The following PCDH15 variants were observed in gnomAD, a reference collection of about 807,000 sequenced individuals.
The protein encoded by PCDH15 is protocadherin related 15.
PCDH15 carries 129 observed loss-of-function variants against 178.5 expected under a neutral mutation model. The observed-to-expected ratio is 0.72, with a 90% CI of 0.63 to 0.84. PCDH15 has a LOEUF of 0.84. Among genes scored for constraint, PCDH15 ranks in the 40% least tolerant of loss-of-function variants. The pLI is 0.00. For missense variants in PCDH15, 2,230 were observed against 2,099.9 expected, an observed-to-expected ratio of 1.06 and a Z score of -1.21; for synonymous variants, 800 against 732.0, an observed-to-expected ratio of 1.09 and a Z score of -1.50.
intron 26 of PCDH15, among the ~76,000 whole-genome samples, chr10:53,894,486 G>T (rs2081813426): frequency 6.6e-6 from 1 of 152,158 alleles, no homozygotes; most frequent in Admixed American, 6.5e-5. Flanking sequence ...ACTTGGCAAT[G>T]GGGAACCAAA....
intron 2 of PCDH15, among the ~76,000 whole-genome samples, chr10:54,973,856 A>G (rs1358187615): frequency 6.6e-6 from 1 of 152,136 alleles, no homozygotes; most frequent in Non-Finnish European, 1.5e-5. Context: ...TATTTGTAAG[A>G]GCAAAAGAAT....
chr10:54,997,678 ATTTAAC>A (rs777072832), intron 2 of PCDH15, among the ~76,000 whole-genome samples: 6 of 152,204 alleles, frequency 3.9e-5, no homozygotes, highest in South Asian at 2.1e-4. Context: ...TAATCCATGT[ATTTAAC>A]TTTAAGTTTG....
intron 6 of PCDH15, among the ~76,000 whole-genome samples, chr10:54,332,767 T>G (rs948566647): frequency 2.0e-5 from 3 of 152,106 alleles, no homozygotes; most frequent in Non-Finnish European, 4.4e-5. Flanking sequence ...ATACTTTTTT[T>G]GTTGTTGACA....
At chr10:55,233,124 TA>T (rs1343284131) in intron 1 of PCDH15, among the ~76,000 whole-genome samples, 1 of 152,138 alleles carries the variant, frequency 6.6e-6, no homozygotes, top group Admixed American at 6.5e-5. Flanking sequence ...TTTATAGAGA[TA>T]AAAATATGGT....
intron 8 of PCDH15, among the ~76,000 whole-genome samples, chr10:54,254,989 T>A (rs2056786814): frequency 6.6e-6 from 1 of 152,192 alleles, no homozygotes; most frequent in South Asian, 2.1e-4. Context: ...TCACACTATG[T>A]GGATATTTTT....
At chr10:55,198,460 A>G (rs538743408) in intron 1 of PCDH15, among the ~76,000 whole-genome samples, 2 of 152,202 alleles carry the variant, frequency 1.3e-5, no homozygotes, top group African/African-American at 2.4e-5. Flanking sequence ...GGTGTTTAAA[A>G]GCTGCTTTTA....
At chr10:55,150,897 A>C (rs977061283) in intron 2 of PCDH15, among the ~76,000 whole-genome samples, 2 of 152,120 alleles carry the variant, frequency 1.3e-5, no homozygotes, top group African/African-American at 4.8e-5. Context: ...CTAAAATAAG[A>C]AAATTAAATG....
chr10:55,097,034 G>C (rs1316225602), intron 2 of PCDH15, among the ~76,000 whole-genome samples: 1 of 151,912 alleles, frequency 6.6e-6, no homozygotes, highest in Non-Finnish European at 1.5e-5. Flanking sequence ...CTAAGCTATT[G>C]GGTGATCTGA....
intron 2 of PCDH15, among the ~76,000 whole-genome samples, chr10:55,109,394 C>G (rs1235861538): frequency 6.6e-6 from 1 of 152,170 alleles, no homozygotes; most frequent in Non-Finnish European, 1.5e-5. Context: ...ATTCTAAAAT[C>G]TAATTCTAAA....
At chr10:55,067,621 A>T (rs1447201965) in intron 2 of PCDH15, among the ~76,000 whole-genome samples, 1 of 141,438 alleles carries the variant, frequency 7.1e-6, no homozygotes, top group Non-Finnish European at 1.5e-5. Flanking sequence ...GAATTGCTGG[A>T]TAATGTGATA....
chr10:55,274,364 A>C (rs781189177), intron 1 of PCDH15, among the ~76,000 whole-genome samples: 7 of 152,110 alleles, frequency 4.6e-5, no homozygotes, highest in Non-Finnish European at 8.8e-5. Context: ...TCATTAAAGC[A>C]TACTCTCCCT....
rs1351206181 is a variant in PCDH15, at chr10:54,792,404, G to T, written c.-29+8521C>A. ...TCAAGGAGCTGTGATGAATGGTTTT[G>T]TGTGTCAACTTGACTGGGCGATAAG... On this transcript the variant is annotated intron_variant, in intron 1 of 37. Coordinates refer to ENST00000644397, the MANE Select transcript of PCDH15 (RefSeq NM_001384140.1). Among the ~76,000 whole-genome samples, 3 of 152,030 alleles carry T rather than the reference G, an allele frequency of 2.0e-5. 1 individual carries two copies. In the East Asian group the frequency reaches 5.9e-4, roughly 30 times the overall value.
At chr10:54,392,592 T>C (rs780188208) in intron 3 of PCDH15, among the ~76,000 whole-genome samples, 2 of 151,510 alleles carry the variant, frequency 1.3e-5, no homozygotes. Flanking sequence ...CATAATTCTA[T>C]ATTTTGCTCC....
chr10:55,026,015 G>A (rs7923704), intron 2 of PCDH15, among the ~76,000 whole-genome samples: 86,438 of 151,760 alleles, frequency 0.57, 24,947 homozygotes, highest in East Asian at 0.75. Flanking sequence ...TTTGAATGAA[G>A]TTTTGACAAA....
intron 2 of PCDH15, among the ~76,000 whole-genome samples, chr10:55,332,311 T>G (rs1418609007): frequency 6.6e-6 from 1 of 152,158 alleles, no homozygotes; most frequent in Non-Finnish European, 1.5e-5. Context: ...TATTTGATAC[T>G]ATTTAAGGTT....
At position 53,804,788 on chromosome 10, in the gene PCDH15, C is replaced by T. The variant is rs917385826; in HGVS notation, c.*1791G>A. 3.3e-5 allele frequency: 5 copies of T among 152,056 alleles called. No homozygotes were observed. The highest frequency in any genetic ancestry group is 9.6e-5 in the African/African-American group (4 of 41,542). 9.4% of individuals were successfully genotyped at this position (152,056 alleles called of 1,614,324 possible). ...CTTTGGTGCCTGAAGGAATAAGCCC[C>T]GGACTTCATTGCTTCCAAAATTTAA... On this transcript the variant is annotated 3_prime_UTR_variant, in exon 38 of 38. Coordinates refer to ENST00000644397, the MANE Select transcript of PCDH15 (RefSeq NM_001384140.1).
intron 1 of PCDH15, among the ~76,000 whole-genome samples, chr10:55,201,422 T>C (rs1420778113): frequency 1.3e-5 from 2 of 152,142 alleles, no homozygotes; most frequent in East Asian, 1.9e-4. Flanking sequence ...ACCCAAAATG[T>C]AGGAGAAAAT....
chr10:53,863,072 A>G (rs1035615657), intron 27 of PCDH15, among the ~76,000 whole-genome samples: 7 of 152,204 alleles, frequency 4.6e-5, no homozygotes, highest in African/African-American at 1.7e-4. Context: ...CACTAAATAA[A>G]CACCTTTTAA....
intron 2 of PCDH15, among the ~76,000 whole-genome samples, chr10:54,939,299 C>T (rs900272043): frequency 6.6e-6 from 1 of 150,670 alleles, no homozygotes; most frequent in Admixed American, 6.6e-5. Flanking sequence ...TTGAGACCAT[C>T]CTGGCTACCA....
Sources: gnomAD v4.1 joint callset for allele counts (sites outside exome capture counted in the v4.1 genomes callset) on GRCh38, gnomAD v4.1.1 for gene constraint, MANE v1.5 for transcripts, NCBI Gene and HGNC (gene_info 2026-07-23, HGNC 2026-07-21) for gene names.